The following NUCB2 variants were observed in gnomAD, a reference collection of about 807,000 sequenced individuals.
NUCB2 encodes the protein nucleobindin 2.
In NUCB2, 48 loss-of-function variants were observed where a neutral mutation model predicts 57.9. The ratio of observed to expected loss-of-function variants is 0.83; its 90% CI spans 0.66 to 1.05. The LOEUF (loss-of-function observed/expected upper bound fraction) is 1.05. Ranked by LOEUF, NUCB2 falls within the 50% of genes least tolerant of loss-of-function variation. The pLI is 0.00. For missense variants in NUCB2, 442 were observed against 476.2 expected (o/e 0.93, Z 0.67); for synonymous variants, 139 against 152.1 (o/e 0.91, Z 0.64).
At chr11:17,283,821 T>C (rs1591189149) in intron 2 of NUCB2, among the ~76,000 whole-genome samples, 1 of 152,232 alleles carries the variant, frequency 6.6e-6, no homozygotes, top group East Asian at 1.9e-4. Flanking sequence ...TAAATTTATA[T>C]TGAAAGTAAA....
At chr11:17,333,771 A>C (rs2139522405), downstream of NUCB2, 1 of 152,310 alleles carries the variant, frequency 6.6e-6, no homozygotes, top group East Asian at 1.9e-4. Flanking sequence ...TTTACTTATA[A>C]ATGTTTCAGT....
chr11:17,289,077 C>T (rs1006212640), intron 2 of NUCB2, among the ~76,000 whole-genome samples: 1 of 151,824 alleles, frequency 6.6e-6, no homozygotes, highest in African/African-American at 2.4e-5. Context: ...CTGCCTCAGC[C>T]TCCTGAGTAG....
chr11:17,291,149 A>G (rs1046844370), intron 2 of NUCB2: 4 of 152,124 alleles, frequency 2.6e-5, no homozygotes, highest in African/African-American at 7.2e-5. Flanking sequence ...TATTTTCCAC[A>G]TTTATATAAA....
chr11:17,303,384 A>G (rs760178577), intron 5 of NUCB2, among the ~76,000 whole-genome samples: 3 of 152,202 alleles, frequency 2.0e-5, no homozygotes, highest in Non-Finnish European at 4.4e-5. Context: ...GATGGACTTA[A>G]TATTAGGAAA....
chr11:17,317,524 C>A (rs1949412230), intron 11 of NUCB2: 2 of 404,562 alleles, frequency 4.9e-6, no homozygotes, highest in Admixed American at 2.7e-5. Context: ...CCAATAATAT[C>A]CTTTATAACA....
Position 17,310,959 on chromosome 11 carries a change from A to G in NUCB2, c.618A>G (p.Lys206=). The G allele has an allele frequency of 1.9e-6, 3 of 1,588,406 alleles. No individual in the cohort carries two copies. Among genetic ancestry groups the G allele is most frequent in the Non-Finnish European group, 2.6e-6 (3 of 1,173,806 alleles). ...NEEKRKEEES[K]FEEMKKKHEN... ...AAAAGAGAAAAGAAGAAGAGTCTAA[A>G]TTTGAAGAAATGAAGAAAAAGCATG... The change falls in exon 7 of 14, where the codon AAA becomes AAG. Residue 206 remains lysine (K), a synonymous_variant. Transcript: ENST00000529010.
At chr11:17,298,671 CA>C (rs113965478) in intron 4 of NUCB2, among the ~76,000 whole-genome samples, 251 of 143,396 alleles carry the variant, frequency 1.8e-3, no homozygotes, top group Non-Finnish European at 3.0e-3. Context: ...AAAAAACTGA[CA>C]AAAAAAAAAG....
intron 2 of NUCB2, among the ~76,000 whole-genome samples, chr11:17,346,841 T>C (rs1048900513): frequency 5.9e-5 from 9 of 152,230 alleles, no homozygotes; most frequent in African/African-American, 2.2e-4. Context: ...AAATTTTTTC[T>C]GCGCTAAGAT....
intron 4 of NUCB2, among the ~76,000 whole-genome samples, chr11:17,298,303 C>T (rs1474870357): frequency 6.6e-6 from 1 of 151,938 alleles, no homozygotes; most frequent in Non-Finnish European, 1.5e-5. Context: ...CAGTGGCTCA[C>T]ATTTGTAATC....
chr11:17,331,377 T>TTA (rs1951390381), intron 13 of NUCB2, 35 bp from the exon 14 acceptor site: 1 of 1,324,016 alleles, frequency 7.6e-7, no homozygotes, highest in South Asian at 1.8e-5. Flanking sequence ...AGGAAGATAC[T>TTA]TTTAAAATAA....
intron 4 of NUCB2, among the ~76,000 whole-genome samples, chr11:17,300,745 T>C (rs1025152825): frequency 1.3e-5 from 2 of 152,214 alleles, no homozygotes; most frequent in Non-Finnish European, 2.9e-5. Flanking sequence ...GTTTAAGTTA[T>C]TGTGTTAACA....
chr11:17,279,628 A>T (rs1224127462), intron 1 of NUCB2, among the ~76,000 whole-genome samples: 1 of 152,194 alleles, frequency 6.6e-6, no homozygotes. Flanking sequence ...TACCTCAGGT[A>T]ATTGAAACTG....
At chr11:17,287,482 G>A (rs1943958350) in intron 2 of NUCB2, among the ~76,000 whole-genome samples, 1 of 151,790 alleles carries the variant, frequency 6.6e-6, no homozygotes, top group African/African-American at 2.4e-5. Flanking sequence ...GACCAGCCTG[G>A]CCAACATGAC....
intron 4 of NUCB2, among the ~76,000 whole-genome samples, chr11:17,301,527 C>T (rs1299689562): frequency 6.6e-6 from 1 of 152,024 alleles, no homozygotes; most frequent in Non-Finnish European, 1.5e-5. Context: ...TGATTACCCA[C>T]CTCAGCCTCC....
intron 2 of NUCB2, among the ~76,000 whole-genome samples, chr11:17,292,446 A>G (rs909257945): frequency 6.6e-6 from 1 of 152,222 alleles, no homozygotes; most frequent in Non-Finnish European, 1.5e-5. Flanking sequence ...AGTGGTTTTC[A>G]AATGTTGGCA....
intron 2 of NUCB2, among the ~76,000 whole-genome samples, chr11:17,286,289 G>C (rs1022114110): frequency 6.6e-6 from 1 of 152,160 alleles, no homozygotes; most frequent in Non-Finnish European, 1.5e-5. Flanking sequence ...CACCCTCCTT[G>C]TCCTCACAAA....
chr11:17,316,610 A>T (rs975848290), intron 11 of NUCB2, among the ~76,000 whole-genome samples: 6 of 152,146 alleles, frequency 3.9e-5, no homozygotes, highest in Non-Finnish European at 7.4e-5. Flanking sequence ...TTTATGAAAA[A>T]TTTTTTAAAT....
chr11:17,280,997 C>T (rs946510981), intron 1 of NUCB2, among the ~76,000 whole-genome samples: 4 of 152,092 alleles, frequency 2.6e-5, no homozygotes, highest in Non-Finnish European at 4.4e-5. Context: ...GCTGAAATAG[C>T]GCCAATGTAC....
intron 5 of NUCB2, among the ~76,000 whole-genome samples, chr11:17,304,117 T>A (rs1947232140): frequency 6.6e-6 from 1 of 152,070 alleles, no homozygotes; most frequent in South Asian, 2.1e-4. Context: ...TTGCCCACTG[T>A]AACCACCACT....
Sources: gnomAD v4.1 joint callset for allele counts (sites outside exome capture counted in the v4.1 genomes callset) on GRCh38, gnomAD v4.1.1 for gene constraint, MANE v1.5 for transcripts, NCBI Gene and HGNC (gene_info 2026-07-23, HGNC 2026-07-21) for gene names.